The following CACNA2D1 variants were observed in gnomAD, a reference collection of about 807,000 sequenced individuals.
The protein encoded by CACNA2D1 is voltage-dependent calcium channel subunit alpha-2/delta-1.
CACNA2D1 carries 53 observed loss-of-function variants against 171.5 expected under a neutral mutation model. That is an observed-to-expected ratio of 0.31 (90% CI 0.25 to 0.39). CACNA2D1 has a LOEUF of 0.39. Among genes scored for constraint, CACNA2D1 ranks in the 10% least tolerant of loss-of-function variants. CACNA2D1 has a pLI of 1.00. For missense variants in CACNA2D1, 903 were observed against 1,299.8 expected (o/e 0.69, Z 4.69); for synonymous variants, 442 against 443.1 (o/e 1.00, Z 0.03).
At position 81,950,109 on chromosome 7, in the gene CACNA2D1, A is replaced by G. The variant is rs1792348252; in HGVS notation, c.*283T>C. The G allele has an allele frequency of 4.5e-6, 2 of 445,616 alleles. No individual in the cohort carries two copies. The highest frequency in any genetic ancestry group is 7.4e-5 in the Admixed American group (2 of 26,952). 27.6% of individuals were successfully genotyped at this position (445,616 alleles called of 1,614,324 possible). Reference sequence around the variant, plus strand: ...ACCCTTTCACATGTAATCACCAACAATGCAACAACAAACTCCCAAATTTTC... The same window carrying G: ...ACCCTTTCACATGTAATCACCAACAGTGCAACAACAAACTCCCAAATTTTC... On this transcript the variant is annotated 3_prime_UTR_variant, in exon 39 of 39. Transcript: ENST00000356860.
chr7:82,361,281 C>A (rs7804449), intron 1 of CACNA2D1, among the ~76,000 whole-genome samples: 92 of 152,074 alleles, frequency 6.0e-4, no homozygotes, highest in Admixed American at 6.0e-3. Context: ...ACGTTTTTTA[C>A]CAAACTGTTT....
At chr7:82,430,280 T>G (rs1829561874) in intron 1 of CACNA2D1, among the ~76,000 whole-genome samples, 1 of 151,924 alleles carries the variant, frequency 6.6e-6, no homozygotes, top group African/African-American at 2.4e-5. Flanking sequence ...TAGCCAGGCA[T>G]GGTGGTTGGC....
chr7:82,306,562 A>G (rs1438270154), intron 3 of CACNA2D1, among the ~76,000 whole-genome samples: 1 of 152,186 alleles, frequency 6.6e-6, no homozygotes, highest in Non-Finnish European at 1.5e-5. Context: ...AGCTTCCCAC[A>G]AATTTCTGAG....
intron 4 of CACNA2D1, among the ~76,000 whole-genome samples, chr7:82,137,707 T>TAAAAGAAAAAAAAAAAAAA (rs1791811350): frequency 1.3e-5 from 1 of 78,844 alleles, no homozygotes; most frequent in South Asian, 4.9e-4. Context: ...CCGTCTCTAC[T>TAAAAGAAAAAAAAAAAAAA]AAAAAAAAAA....
intron 3 of CACNA2D1, among the ~76,000 whole-genome samples, chr7:82,305,432 TAGTGAAATAAACAATC>T (rs1207540153): frequency 6.6e-6 from 1 of 152,186 alleles, no homozygotes; most frequent in Non-Finnish European, 1.5e-5. Flanking sequence ...AGAATCTTAT[TAGTGAAATAAACAATC>T]AAGATTGTTC....
intron 38 of CACNA2D1, among the ~76,000 whole-genome samples, chr7:81,957,190 T>C (rs1026163648): frequency 1.1e-4 from 17 of 152,232 alleles, no homozygotes; most frequent in African/African-American, 4.1e-4. Context: ...TAAAATACCA[T>C]GAAGCCTGTA....
chr7:82,029,736 T>G (rs949846226), intron 12 of CACNA2D1: 1 of 151,768 alleles, frequency 6.6e-6, no homozygotes, highest in African/African-American at 2.4e-5. Flanking sequence ...TATGTATGTA[T>G]GTATGTATGT....
intron 4 of CACNA2D1, among the ~76,000 whole-genome samples, chr7:82,146,395 TAA>T (rs1348014975): frequency 6.9e-6 from 1 of 145,884 alleles, no homozygotes; most frequent in Non-Finnish European, 1.5e-5. Context: ...TTTATATATA[TAA>T]AGATATATAT....
chr7:82,399,211 G>A (rs1009899068), intron 1 of CACNA2D1, among the ~76,000 whole-genome samples: 2 of 152,098 alleles, frequency 1.3e-5, no homozygotes, highest in Non-Finnish European at 2.9e-5. Flanking sequence ...AGGCCAAGGT[G>A]GGCGCATCGC....
At chr7:82,280,406 T>C (rs1455930736) in intron 3 of CACNA2D1, among the ~76,000 whole-genome samples, 1 of 152,216 alleles carries the variant, frequency 6.6e-6, no homozygotes, top group African/African-American at 2.4e-5. Flanking sequence ...AAAACAGTTC[T>C]GTGGCATTTT....
intron 3 of CACNA2D1, among the ~76,000 whole-genome samples, chr7:82,321,942 C>T (rs1321023766): frequency 3.3e-5 from 5 of 150,490 alleles, no homozygotes; most frequent in South Asian, 2.1e-4. Flanking sequence ...CCGGCTAAAA[C>T]GGTGAAACCC....
intron 6 of CACNA2D1, among the ~76,000 whole-genome samples, chr7:82,092,415 A>T (rs1351781521): frequency 1.3e-5 from 2 of 151,848 alleles, no homozygotes; most frequent in African/African-American, 4.8e-5. Context: ...TCTGTCGCCC[A>T]GGCTGGAGTG....
intron 38 of CACNA2D1, among the ~76,000 whole-genome samples, chr7:81,953,051 G>C (rs1584136493): frequency 6.6e-6 from 1 of 152,008 alleles, no homozygotes; most frequent in East Asian, 1.9e-4. Flanking sequence ...CACCACACCT[G>C]TCTAATTTTT....
At chr7:81,954,278 A>T (rs1454961020) in intron 38 of CACNA2D1, among the ~76,000 whole-genome samples, 1 of 152,050 alleles carries the variant, frequency 6.6e-6, no homozygotes, top group Non-Finnish European at 1.5e-5. Flanking sequence ...AGAACATTAA[A>T]ATGGAAAAAG....
intron 7 of CACNA2D1, among the ~76,000 whole-genome samples, chr7:82,080,844 T>C (rs1265529320): frequency 6.6e-6 from 1 of 152,226 alleles, no homozygotes; most frequent in Non-Finnish European, 1.5e-5. Context: ...TCAATTATGT[T>C]CTTTAATGTC....
chr7:81,974,375 T>A, intron 25 of CACNA2D1, 80 bp downstream of exon 25: 1 of 725,472 alleles, frequency 1.4e-6, no homozygotes, highest in Non-Finnish European at 2.5e-6. Context: ...TATAAAGTAA[T>A]ATGATTATCG....
At chr7:82,393,088 AGGCAGGC>A (rs1563483270) in intron 1 of CACNA2D1, among the ~76,000 whole-genome samples, 175 of 101,116 alleles carry the variant, frequency 1.7e-3, no homozygotes, top group African/African-American at 7.2e-3. Context: ...GAAGGAAGGC[AGGCAGGC>A]AGGCAGGCAG....
chr7:81,955,920 G>GGGGGGGGGGTT (rs1793228652), intron 38 of CACNA2D1, among the ~76,000 whole-genome samples: 1 of 49,982 alleles, frequency 2.0e-5, no homozygotes, highest in Non-Finnish European at 3.9e-5. Context: ...GGGGGGGGGG[G>GGGGGGGGGGTT]TGGTGGTCTT....
chr7:82,120,261 A>ATATG (rs1308742083), intron 5 of CACNA2D1, among the ~76,000 whole-genome samples: 26 of 152,106 alleles, frequency 1.7e-4, no homozygotes, highest in Admixed American at 1.2e-3. Context: ...CAATTCTCCA[A>ATATG]TATGTATGTA....
Sources: allele counts gnomAD v4.1 joint callset (sites outside exome capture counted in the v4.1 genomes callset), GRCh38; gene constraint gnomAD v4.1.1; transcripts MANE v1.5; gene names NCBI Gene and HGNC (gene_info 2026-07-23, HGNC 2026-07-21).